The following DZIP3 variants were observed in gnomAD, a reference collection of about 807,000 sequenced individuals.
The protein encoded by DZIP3 is E3 ubiquitin-protein ligase DZIP3.
Under a neutral mutation model 162.0 loss-of-function variants are expected in DZIP3, and 118 were observed. The ratio of observed to expected loss-of-function variants is 0.73; its 90% CI spans 0.63 to 0.85. The LOEUF (loss-of-function observed/expected upper bound fraction) is 0.85. Among genes scored for constraint, DZIP3 ranks in the 40% least tolerant of loss-of-function variants. DZIP3 has a pLI of 0.00. For synonymous variants in DZIP3, 438 were observed against 458.6 expected, an observed-to-expected ratio of 0.96 and a Z score of 0.57; for missense variants, 1,331 against 1,407.0, an observed-to-expected ratio of 0.95 and a Z score of 0.86.
At chr3:108,590,913 C>T (rs1156953938) in intron 1 of DZIP3, among the ~76,000 whole-genome samples, 2 of 151,916 alleles carry the variant, frequency 1.3e-5, no homozygotes, top group Admixed American at 6.6e-5. Context: ...ACAATAGACT[C>T]AGTGAAAAAA....
chr3:108,663,748 T>G (rs1943551073), intron 21 of DZIP3, among the ~76,000 whole-genome samples: 1 of 152,190 alleles, frequency 6.6e-6, no homozygotes, highest in Non-Finnish European at 1.5e-5. Flanking sequence ...CCATGCACTC[T>G]TACATGCTTC....
chr3:108,689,031 GATATAACTCTGAGC>G, intron 31 of DZIP3, 107 bp downstream of exon 31: 1 of 1,105,202 alleles, frequency 9.0e-7, no homozygotes, highest in Non-Finnish European at 1.3e-6. Flanking sequence ...AGTTCCACTG[GATATAACTCTGAGC>G]TTTTGGGTAC....
chr3:108,637,113 A>T (rs76800777), intron 11 of DZIP3, among the ~76,000 whole-genome samples: 5,425 of 152,158 alleles, frequency 0.036, 417 homozygotes, highest in East Asian at 0.35. Context: ...TACCTGTTAC[A>T]TAAAATGCAC....
At chr3:108,656,760 G>A (rs1391324263) in intron 19 of DZIP3, among the ~76,000 whole-genome samples, 6 of 152,060 alleles carry the variant, frequency 3.9e-5, no homozygotes, top group Non-Finnish European at 1.5e-5. Flanking sequence ...TAGACGAATG[G>A]CTAACTAGAA....
At chr3:108,625,815 G>A (rs766310482) in intron 6 of DZIP3, 30 bp from the exon 7 acceptor site, 2 of 1,531,162 alleles carry the variant, frequency 1.3e-6, no homozygotes, top group Non-Finnish European at 1.7e-6. Flanking sequence ...GACTTTTACA[G>A]TAGCCAAACC....
chr3:108,671,666 A>G (rs1943931007), intron 22 of DZIP3, among the ~76,000 whole-genome samples: 1 of 151,980 alleles, frequency 6.6e-6, no homozygotes. Context: ...ATAAAAACCT[A>G]TGTGGTTGCT....
In DZIP3 at chr3:108,637,482, C is replaced by T. The variant is rs1942209321; in HGVS notation, c.1012-14C>T. ...AACTACTTTAGGGCTATTTTTTTTC[C>T]CCATTACTTGCAGTTTGAAGTTGTG... On this transcript the variant is annotated splice_polypyrimidine_tract_variant and intron_variant, in intron 11 of 32. Coordinates refer to ENST00000361582, the MANE Select transcript of DZIP3 (RefSeq NM_014648.4). The T allele has an allele frequency of 1.9e-6, 3 of 1,604,270 alleles. No homozygotes were observed. The highest frequency in any genetic ancestry group is 2.3e-5 in the East Asian group (1 of 44,242).
chr3:108,622,994 C>T (rs538537394), intron 5 of DZIP3, among the ~76,000 whole-genome samples: 1 of 151,676 alleles, frequency 6.6e-6, no homozygotes, highest in East Asian at 2.0e-4. Context: ...CAGCCCAGTA[C>T]TGGTTCTTGC....
chr3:108,626,045 A>G (rs1360041281), intron 7 of DZIP3, 76 bp downstream of exon 7: 3 of 1,462,884 alleles, frequency 2.1e-6, no homozygotes, highest in Non-Finnish European at 2.8e-6. Flanking sequence ...TGTGCACAGT[A>G]TATCAGGCAT....
rs920493594 is a variant in DZIP3, at chr3:108,593,876, G to A, written c.-73+4037G>A. On this transcript the variant is annotated intron_variant, in intron 1 of 32. Transcript: ENST00000361582. ...GATGGGGTTTCACCATGTTGCGCAC[G>A]CTGGTCTCGAACTCCTGGTCTCGAG... is the stretch of plus-strand genomic sequence containing the variant. Among the ~76,000 whole-genome samples, 10 of 151,882 alleles carry A rather than the reference G, an allele frequency of 6.6e-5. No individual in the cohort carries two copies. In the South Asian group the frequency reaches 2.1e-3, roughly 32 times the overall value.
At chr3:108,669,610 T>G (rs1215666454) in intron 21 of DZIP3, 71 bp from the exon 22 acceptor site, 2 of 1,400,992 alleles carry the variant, frequency 1.4e-6, no homozygotes, top group Admixed American at 1.8e-5. Context: ...CAGCTGTAGT[T>G]AGAGCTCTTC....
At chr3:108,597,416 A>G (rs1215323382) in intron 1 of DZIP3, among the ~76,000 whole-genome samples, 5 of 152,000 alleles carry the variant, frequency 3.3e-5, no homozygotes, top group Non-Finnish European at 1.5e-5. Flanking sequence ...TTTTTAATGC[A>G]AGTACTATCC....
intron 6 of DZIP3, 54 bp from the exon 7 acceptor site, chr3:108,625,789 TAA>T (rs5851600): frequency 0.14 from 162,489 of 1,158,348 alleles, 2 homozygotes; most frequent in Middle Eastern, 0.15. Flanking sequence ...TTGTTTATTG[TAA>T]AAAAAAAAAA....
At chr3:108,648,273 A>G (rs1325118546) in intron 16 of DZIP3, 161 bp downstream of exon 16, 1 of 576,786 alleles carries the variant, frequency 1.7e-6, no homozygotes, top group East Asian at 3.4e-5. Context: ...TTGCCTCAGT[A>G]CTTCCTTCCA....
chr3:108,631,061 T>TCTCTCTCC (rs1941858435), intron 8 of DZIP3, among the ~76,000 whole-genome samples: 1 of 54,252 alleles, frequency 1.8e-5, no homozygotes, highest in Admixed American at 1.9e-4. Flanking sequence ...ACACACTCTC[T>TCTCTCTCC]CTCTCTCTCT....
In DZIP3 at chr3:108,693,706, T is replaced by C. The variant is rs1944783981; in HGVS notation, c.*353T>C. ...GAAGTAGTAAGAAAAGGAGTTAATA[T>C]GCAAACTAAATCACTCGCTCAATTG... On this transcript the variant is annotated 3_prime_UTR_variant, in exon 33 of 33. Coordinates refer to ENST00000361582, the MANE Select transcript of DZIP3 (RefSeq NM_014648.4). The C allele has an allele frequency of 6.6e-6, 1 of 152,170 alleles. No homozygotes were observed. Among genetic ancestry groups the C allele is most frequent in the Admixed American group, 6.5e-5 (1 of 15,268 alleles). The allele number at this position is 152,170 out of a possible 1,614,324, so 9.4% of individuals were successfully genotyped here. A position where few individuals can be genotyped will look rare whatever the true frequency, so the allele number is the denominator to read the frequency against.
rs1940707599 is a variant in DZIP3 at position 108,611,541 on chromosome 3, T to C, written c.258+212T>C. 2.0e-5 allele frequency among the ~76,000 whole-genome samples: 3 copies of C among 152,120 alleles called. No homozygotes were observed. The South Asian group carries it at 6.2e-4, about 31-fold the overall frequency. ...TTTGGTGCTAGCCTTTTAAGAATAATGGTAGGAATGTGGGTTGGTAGCTTG... is the reference window on the plus strand; with the variant it reads ...TTTGGTGCTAGCCTTTTAAGAATAACGGTAGGAATGTGGGTTGGTAGCTTG... On this transcript the variant is annotated intron_variant, in intron 4 of 32. Transcript: ENST00000361582.
chr3:108,618,214 C>T (rs1320271218), intron 5 of DZIP3, among the ~76,000 whole-genome samples: 1 of 152,200 alleles, frequency 6.6e-6, no homozygotes, highest in Non-Finnish European at 1.5e-5. Context: ...GTACAACTTG[C>T]ATCTTTAAAT....
intron 5 of DZIP3, among the ~76,000 whole-genome samples, chr3:108,624,160 G>A (rs1941488886): frequency 6.6e-6 from 1 of 152,258 alleles, no homozygotes; most frequent in East Asian, 1.9e-4. Context: ...CTGTGTTGGT[G>A]ACGATTGTTG....
Sources: allele counts gnomAD v4.1 joint callset (sites outside exome capture counted in the v4.1 genomes callset), GRCh38; gene constraint gnomAD v4.1.1; transcripts MANE v1.5; gene names NCBI Gene and HGNC (gene_info 2026-07-23, HGNC 2026-07-21).